Variants in FAM171B observed in about 807,000 individuals in gnomAD.
The protein encoded by FAM171B is protein FAM171B.
FAM171B carries 19 observed loss-of-function variants against 75.6 expected under a neutral mutation model. The observed-to-expected ratio is 0.25, with a 90% CI of 0.18 to 0.37. The LOEUF (loss-of-function observed/expected upper bound fraction) is 0.37. Among genes scored for constraint, FAM171B ranks in the 10% least tolerant of loss-of-function variants. FAM171B has a pLI of 1.00. For missense variants in FAM171B, 848 were observed against 982.4 expected, an observed-to-expected ratio of 0.86 and a Z score of 1.83; for synonymous variants, 367 against 361.7, an observed-to-expected ratio of 1.01 and a Z score of -0.17.
chr2:186,746,334 A>AACTT (rs1444026958), intron 3 of FAM171B, among the ~76,000 whole-genome samples: 2 of 152,238 alleles, frequency 1.3e-5, no homozygotes, highest in Non-Finnish European at 2.9e-5. Context: ...CTGATAGAGA[A>AACTT]ACTTACCCAC....
chr2:186,737,927 G>A (rs549403228), intron 1 of FAM171B, among the ~76,000 whole-genome samples: 1 of 152,230 alleles, frequency 6.6e-6, no homozygotes, highest in African/African-American at 2.4e-5. Context: ...AGCCCAGCAG[G>A]CTGTGCTCGG....
intron 1 of FAM171B, among the ~76,000 whole-genome samples, chr2:186,696,076 T>C (rs1436875842): frequency 6.6e-6 from 1 of 152,180 alleles, no homozygotes; most frequent in African/African-American, 2.4e-5. Flanking sequence ...AATTAAAATG[T>C]TTGCTTTCTG....
chr2:186,717,180 A>C (rs1438572380), intron 1 of FAM171B, among the ~76,000 whole-genome samples: 1 of 152,228 alleles, frequency 6.6e-6, no homozygotes, highest in Non-Finnish European at 1.5e-5. Context: ...GTGGTAACTG[A>C]AACAATTACT....
At position 186,740,479 on chromosome 2, in the gene FAM171B, T is replaced by G. The variant is rs1690273597; in HGVS notation, c.472+18T>G. On this transcript the variant is annotated intron_variant, in intron 2 of 7. Coordinates refer to ENST00000304698, the MANE Select transcript of FAM171B (RefSeq NM_177454.4). ...AATGCCAAGTAAGCACTTAAACAGT[T>G]TTTTTTTGTTTGTTTTTGCTAAATG... 6.3e-7 allele frequency: 1 copy of G among 1,578,346 alleles called. No individual in the cohort carries two copies. Among genetic ancestry groups the G allele is most frequent in the Non-Finnish European group, 8.6e-7 (1 of 1,157,676 alleles).
At chr2:186,709,816 C>T (rs1365561143) in intron 1 of FAM171B, among the ~76,000 whole-genome samples, 1 of 152,166 alleles carries the variant, frequency 6.6e-6, no homozygotes, top group African/African-American at 2.4e-5. Context: ...AAAATATATT[C>T]TGTTAATTAT....
chr2:186,703,567 G>A (rs1358944103), intron 1 of FAM171B, among the ~76,000 whole-genome samples: 3 of 152,200 alleles, frequency 2.0e-5, no homozygotes, highest in African/African-American at 7.2e-5. Flanking sequence ...AGGATGGGTA[G>A]GTAGGTGATT....
chr2:186,725,422 T>C (rs1690018859), intron 1 of FAM171B, among the ~76,000 whole-genome samples: 1 of 152,150 alleles, frequency 6.6e-6, no homozygotes, highest in South Asian at 2.1e-4. Context: ...TCTTAGGTGA[T>C]AACTCAGTTT....
In FAM171B at chr2:186,738,504, C is replaced by T. The variant is rs190239289; in HGVS notation, c.239-1724C>T. Among the ~76,000 whole-genome samples the T allele has an allele frequency of 4.6e-5, 7 of 151,968 alleles. No individual in the cohort carries two copies. In the East Asian group the frequency reaches 9.7e-4, roughly 21 times the overall value. On this transcript the variant is annotated intron_variant, in intron 1 of 7. Coordinates refer to ENST00000304698, the MANE Select transcript of FAM171B (RefSeq NM_177454.4). ...GGGTCTTCTTGGAAAAAGAACCGTT[C>T]AGTTGGTTAAAAGGCATCATCCAAA...
intron 1 of FAM171B, among the ~76,000 whole-genome samples, chr2:186,701,036 T>C (rs376027187): frequency 2.6e-5 from 4 of 152,026 alleles, no homozygotes; most frequent in South Asian, 4.2e-4. Context: ...CCTGCCTTAA[T>C]CTCCTAAGTA....
intron 1 of FAM171B, among the ~76,000 whole-genome samples, chr2:186,735,679 G>A (rs938056994): frequency 1.3e-5 from 2 of 152,132 alleles, no homozygotes; most frequent in African/African-American, 4.8e-5. Context: ...AAGGGGGTTG[G>A]CCAGATCAGA....
Position 186,694,793 on chromosome 2 carries a change from A to ACC in FAM171B, c.238+383_238+384dup, listed in dbSNP as rs1553508423. 4.2e-4 allele frequency among the ~76,000 whole-genome samples: 58 copies of ACC among 139,682 alleles called. 1 individual carries two copies. The highest frequency in any genetic ancestry group is 3.8e-3 in the Middle Eastern group (1 of 266). The allele number at this position is 139,682 out of a possible 152,430, so 91.6% of individuals were successfully genotyped here. On this transcript the variant is annotated intron_variant, in intron 1 of 7. Transcript: ENST00000304698. ...CACACACACACACACACACACACAC[A>ACC]CCGTTCTTAAATCCCTTAAACATTT...
chr2:186,738,375 G>T (rs1157689488), intron 1 of FAM171B, among the ~76,000 whole-genome samples: 1 of 152,084 alleles, frequency 6.6e-6, no homozygotes, highest in Non-Finnish European at 1.5e-5. Flanking sequence ...CAAAAGGAAG[G>T]CTCTCGGTGG....
At chr2:186,709,184 A>G (rs1248403955) in intron 1 of FAM171B, among the ~76,000 whole-genome samples, 2 of 152,112 alleles carry the variant, frequency 1.3e-5, no homozygotes, top group Non-Finnish European at 2.9e-5. Context: ...ATGGTGCTAC[A>G]TGAGAAATCT....
intron 1 of FAM171B, among the ~76,000 whole-genome samples, chr2:186,723,573 T>A (rs1465267834): frequency 1.3e-5 from 2 of 152,202 alleles, no homozygotes; most frequent in Non-Finnish European, 1.5e-5. Context: ...ATGATGAATT[T>A]AATCTTCATA....
chr2:186,755,835 A>C (rs1175784558), intron 6 of FAM171B, among the ~76,000 whole-genome samples: 1 of 152,144 alleles, frequency 6.6e-6, no homozygotes, highest in Non-Finnish European at 1.5e-5. Flanking sequence ...TTTTATTTCT[A>C]TTTGAACTTA....
At chr2:186,740,528 G>T in intron 2 of FAM171B, 67 bp downstream of exon 2, 1 of 1,330,460 alleles carries the variant, frequency 7.5e-7, no homozygotes, top group Non-Finnish European at 1.0e-6. Flanking sequence ...TTCTCTGTTT[G>T]GGGGATATCT....
intron 1 of FAM171B, among the ~76,000 whole-genome samples, chr2:186,716,585 A>G (rs930117642): frequency 9.2e-5 from 14 of 152,108 alleles, no homozygotes; most frequent in African/African-American, 3.4e-4. Context: ...TATAAGCCAC[A>G]CTGATTGTCA....
chr2:186,695,237 G>GT (rs1689562334), intron 1 of FAM171B: 1 of 152,200 alleles, frequency 6.6e-6, no homozygotes. Flanking sequence ...ATAGGTGGCT[G>GT]TAACAGTTCC....
intron 1 of FAM171B, among the ~76,000 whole-genome samples, chr2:186,724,424 T>C (rs1251974993): frequency 6.6e-6 from 1 of 152,206 alleles, no homozygotes; most frequent in Admixed American, 6.5e-5. Flanking sequence ...TAAGACTCAA[T>C]TGGCCTTCCC....
Sources: gnomAD v4.1 joint callset for allele counts (sites outside exome capture counted in the v4.1 genomes callset) on GRCh38, gnomAD v4.1.1 for gene constraint, MANE v1.5 for transcripts, NCBI Gene and HGNC (gene_info 2026-07-23, HGNC 2026-07-21) for gene names.